ATP9A: variants seen among roughly 807,000 people sequenced by gnomAD.
The protein encoded by ATP9A is probable phospholipid-transporting ATPase IIA.
ATP9A carries 52 observed loss-of-function variants against 144.1 expected under a neutral mutation model. That is an observed-to-expected ratio of 0.36 (90% CI 0.29 to 0.45). ATP9A has a LOEUF of 0.45. Among genes scored for constraint, ATP9A ranks in the 20% least tolerant of loss-of-function variants. The probability of loss-of-function intolerance (pLI) is 1.00; values close to 1 mark genes in which losing one functional copy is unlikely to be tolerated. For missense variants in ATP9A, 947 were observed against 1,392.7 expected (o/e 0.68, Z 5.09); for synonymous variants, 582 against 557.4 (o/e 1.04, Z -0.62).
At chr20:51,725,993 A>G in intron 2 of ATP9A, 61 bp from the exon 3 acceptor site, 1 of 1,009,196 alleles carries the variant, frequency 9.9e-7, no homozygotes, top group Non-Finnish European at 1.6e-6. Context: ...GATCTGGAAC[A>G]TTTGGTGGGA....
At chr20:51,719,308 A>C (rs561979634) in intron 3 of ATP9A, among the ~76,000 whole-genome samples, 1 of 152,318 alleles carries the variant, frequency 6.6e-6, no homozygotes, top group East Asian at 1.9e-4. Flanking sequence ...CACGAGGAAA[A>C]GGGATGGGTC....
intron 4 of ATP9A, among the ~76,000 whole-genome samples, chr20:51,710,542 A>G (rs1416869322): frequency 6.6e-6 from 1 of 152,200 alleles, no homozygotes; most frequent in African/African-American, 2.4e-5. Flanking sequence ...AGCGTATCAA[A>G]TAACTAAACT....
intron 4 of ATP9A, among the ~76,000 whole-genome samples, chr20:51,708,308 AT>A (rs1196173469): frequency 1.1e-4 from 16 of 151,450 alleles, no homozygotes; most frequent in South Asian, 2.1e-4. Context: ...AAAAAAAAAA[AT>A]GATACACCTT....
At chr20:51,613,532 G>A in intron 23 of ATP9A, 145 bp downstream of exon 23, 2 of 927,638 alleles carry the variant, frequency 2.2e-6, no homozygotes, top group Non-Finnish European at 3.0e-6. Context: ...AGGTAGGGGT[G>A]ACAGCTCCAA....
At chr20:51,712,938 C>A (rs775714777) in intron 4 of ATP9A, 28 bp downstream of exon 4, 1 of 1,576,442 alleles carries the variant, frequency 6.3e-7, no homozygotes, top group South Asian at 1.1e-5. Context: ...GAGCTGCAAC[C>A]CTGTGGCCCA....
intron 17 of ATP9A, among the ~76,000 whole-genome samples, chr20:51,626,404 G>A (rs539872376): frequency 3.3e-5 from 5 of 151,874 alleles, no homozygotes; most frequent in East Asian, 1.9e-4. Flanking sequence ...GAGGAGAATC[G>A]CTTGAATCCA....
chr20:51,618,048 C>T (rs1365179447), intron 21 of ATP9A, among the ~76,000 whole-genome samples: 1 of 151,958 alleles, frequency 6.6e-6, no homozygotes, highest in African/African-American at 2.4e-5. Context: ...GGAGAAACCC[C>T]GTTTCTACTA....
chr20:51,646,083 G>C (rs1018343763), intron 14 of ATP9A, among the ~76,000 whole-genome samples: 4 of 152,208 alleles, frequency 2.6e-5, no homozygotes, highest in Non-Finnish European at 5.9e-5. Context: ...GGAGTCTGTT[G>C]TGTTTTCTCC....
At chr20:51,672,001 T>C (rs2077458214) in intron 11 of ATP9A, among the ~76,000 whole-genome samples, 1 of 152,138 alleles carries the variant, frequency 6.6e-6, no homozygotes. Context: ...GGTTTCACCA[T>C]GTTGCCCAGG....
chr20:51,737,538 G>A (rs1053169050), intron 1 of ATP9A, among the ~76,000 whole-genome samples: 20 of 152,122 alleles, frequency 1.3e-4, no homozygotes, highest in African/African-American at 4.6e-4. Flanking sequence ...CGTAACCCCA[G>A]TTGGACTAAG....
intron 1 of ATP9A, among the ~76,000 whole-genome samples, chr20:51,756,560 G>C (rs1601147771): frequency 6.6e-6 from 1 of 151,980 alleles, no homozygotes; most frequent in Admixed American, 6.6e-5. Context: ...TAAAGTTCTG[G>C]GATTACAGGT....
intron 2 of ATP9A, among the ~76,000 whole-genome samples, chr20:51,727,505 G>C (rs2077719984): frequency 6.6e-6 from 1 of 151,142 alleles, no homozygotes; most frequent in Non-Finnish European, 1.5e-5. Context: ...AGGATCAATT[G>C]AGCCCAGGAG....
At chr20:51,634,193 G>A (rs2077281405) in intron 15 of ATP9A, among the ~76,000 whole-genome samples, 1 of 152,114 alleles carries the variant, frequency 6.6e-6, no homozygotes. Flanking sequence ...CTTCTTCTAG[G>A]ATGGCTGACA....
intron 13 of ATP9A, among the ~76,000 whole-genome samples, chr20:51,667,213 C>A (rs771734083): frequency 4.6e-5 from 7 of 152,162 alleles, no homozygotes; most frequent in Non-Finnish European, 8.8e-5. Context: ...CTGTGCTAAG[C>A]CAAAAATGAA....
chr20:51,735,495 A>G (rs1048662553), intron 1 of ATP9A, among the ~76,000 whole-genome samples: 11 of 152,240 alleles, frequency 7.2e-5, no homozygotes, highest in East Asian at 3.8e-4. Context: ...AGCTAAATTC[A>G]TAAGAGTAAG....
At chr20:51,759,152 G>A (rs867429424) in intron 1 of ATP9A, among the ~76,000 whole-genome samples, 2 of 152,360 alleles carry the variant, frequency 1.3e-5, no homozygotes, top group African/African-American at 4.8e-5. Context: ...GCAGAGGACA[G>A]AGAGCACAGC....
Position 51,598,802 on chromosome 20 carries a change from T to C in ATP9A, c.*2409A>G, listed in dbSNP as rs2077130161. The C allele has an allele frequency of 1.3e-5, 2 of 152,316 alleles. No homozygotes were observed. The highest frequency in any genetic ancestry group is 4.8e-5 in the African/African-American group (2 of 41,478). 9.4% of individuals were successfully genotyped at this position (152,316 alleles called of 1,614,324 possible). On this transcript the variant is annotated 3_prime_UTR_variant, in exon 28 of 28. Transcript: ENST00000338821. Reference sequence around the variant, plus strand: ...AGGTGTTCAGGGACCGTCCAGTGAATGGCGTCAGCCAGCTGCCCACTGATG... The same window carrying C: ...AGGTGTTCAGGGACCGTCCAGTGAACGGCGTCAGCCAGCTGCCCACTGATG...
At chr20:51,762,480 C>G (rs943052403) in intron 1 of ATP9A, among the ~76,000 whole-genome samples, 1 of 144,242 alleles carries the variant, frequency 6.9e-6, no homozygotes, top group African/African-American at 2.6e-5. Flanking sequence ...AGTGACAGAG[C>G]AAGACTCTGT....
At chr20:51,740,002 A>G (rs1313185998) in intron 1 of ATP9A, among the ~76,000 whole-genome samples, 1 of 152,164 alleles carries the variant, frequency 6.6e-6, no homozygotes, top group Non-Finnish European at 1.5e-5. Context: ...TCTCAGAGTC[A>G]ATAAAATAGC....
Sources: gnomAD v4.1 joint callset for allele counts (sites outside exome capture counted in the v4.1 genomes callset) on GRCh38, gnomAD v4.1.1 for gene constraint, MANE v1.5 for transcripts, NCBI Gene and HGNC (gene_info 2026-07-23, HGNC 2026-07-21) for gene names.